The following CLCN5 variants were observed in gnomAD, a reference collection of about 807,000 sequenced individuals.
CLCN5 encodes Cl-/H+ antiporter 5.
A neutral mutation model predicts 54.0 loss-of-function variants in CLCN5; 17 were observed. The observed-to-expected ratio is 0.31, with a 90% CI of 0.22 to 0.47. The LOEUF (loss-of-function observed/expected upper bound fraction) is 0.47. Ranked by LOEUF, CLCN5 falls within the 20% of genes least tolerant of loss-of-function variation. The pLI is 1.00. For synonymous variants in CLCN5, 222 were observed against 233.0 expected (o/e 0.95, Z 0.43); for missense variants, 448 against 646.7 (o/e 0.69, Z 3.33).
chrX:50,018,043 G>T (rs782309694), intron 3 of CLCN5, among the ~76,000 whole-genome samples: 1 of 111,697 alleles, frequency 9.0e-6, no homozygotes, highest in Non-Finnish European at 1.9e-5. Context: ...GAACTGCACT[G>T]AACCTGTAGA....
intron 3 of CLCN5, among the ~76,000 whole-genome samples, chrX:50,030,248 T>C (rs1440732224): frequency 3.6e-5 from 4 of 112,219 alleles, no homozygotes; most frequent in Admixed American, 1.9e-4. Context: ...TACATCTCTG[T>C]TGATTTATAT....
At chrX:50,008,381 G>A (rs376152628) in intron 3 of CLCN5, 5 of 308,408 alleles carry the variant, frequency 1.6e-5, no homozygotes, top group Admixed American at 5.3e-5. Context: ...AGTACCTTGT[G>A]TGAAGAAGAA....
chrX:50,083,342 AAT>A (rs1432393248), intron 9 of CLCN5, among the ~76,000 whole-genome samples: 1 of 111,845 alleles, frequency 8.9e-6, no homozygotes, highest in African/African-American at 3.3e-5. Flanking sequence ...AAGATGGGGA[AAT>A]ATGAGTAGAT....
At chrX:49,979,557 A>G (rs956326057) in intron 3 of CLCN5, among the ~76,000 whole-genome samples, 7 of 111,598 alleles carry the variant, frequency 6.3e-5, no homozygotes, top group African/African-American at 1.6e-4. Flanking sequence ...CTGACAGCCA[A>G]CTCAATTTGT....
chrX:49,979,805 A>G (rs1223645260), intron 3 of CLCN5, among the ~76,000 whole-genome samples: 5 of 111,052 alleles, frequency 4.5e-5, no homozygotes, highest in East Asian at 5.6e-4. Flanking sequence ...GCTAACTAAC[A>G]TATGTATCAC....
intron 1 of CLCN5, among the ~76,000 whole-genome samples, chrX:49,923,120 G>A (rs1557167452): frequency 3.5e-5 from 4 of 113,287 alleles, no homozygotes; most frequent in Non-Finnish European, 5.6e-5. Flanking sequence ...GTGTTTAGCC[G>A]CCTGCGTCCC....
At chrX:50,082,530 C>T (rs1933741372) in intron 9 of CLCN5, among the ~76,000 whole-genome samples, 3 of 110,281 alleles carry the variant, frequency 2.7e-5, no homozygotes, top group African/African-American at 9.9e-5. Flanking sequence ...CCAGGCTAGT[C>T]TCGAACTCCT....
At chrX:49,992,762 C>G (rs1205094886) in intron 3 of CLCN5, among the ~76,000 whole-genome samples, 2 of 111,646 alleles carry the variant, frequency 1.8e-5, no homozygotes, top group East Asian at 5.6e-4. Context: ...AAGTAATTTA[C>G]TTACCCATAT....
At chrX:49,997,017 T>C (rs179824) in intron 3 of CLCN5, among the ~76,000 whole-genome samples, 49,809 of 110,689 alleles carry the variant, frequency 0.45, 9,082 homozygotes, top group East Asian at 0.94. Context: ...CAACTCATCT[T>C]ATCTATAGCA....
At chrX:50,065,940 C>T (rs1162478612) in intron 4 of CLCN5, among the ~76,000 whole-genome samples, 93 of 92,859 alleles carry the variant, frequency 1.0e-3, no homozygotes, top group Non-Finnish European at 1.5e-3. Flanking sequence ...CATATTCTCA[C>T]TCATAGGTGG....
intron 4 of CLCN5, among the ~76,000 whole-genome samples, chrX:50,044,425 A>G (rs147244299): frequency 0.016 from 1,840 of 111,842 alleles, 31 homozygotes; most frequent in African/African-American, 0.057. Context: ...ATATATGGAG[A>G]TATAAAAAGG....
chrX:50,011,899 G>T (rs1930523815), intron 3 of CLCN5, among the ~76,000 whole-genome samples: 1 of 111,617 alleles, frequency 9.0e-6, no homozygotes, highest in Admixed American at 9.5e-5. Flanking sequence ...GGATGCAAGT[G>T]CTGTGTCAAT....
intron 4 of CLCN5, among the ~76,000 whole-genome samples, chrX:50,057,616 A>T (rs1932779976): frequency 2.1e-4 from 9 of 42,011 alleles, no homozygotes; most frequent in Non-Finnish European, 3.7e-4. Flanking sequence ...ACTCTCCTGG[A>T]TAGATACTAT....
intron 3 of CLCN5, among the ~76,000 whole-genome samples, chrX:50,041,102 G>A (rs1038728790): frequency 1.8e-5 from 2 of 112,145 alleles, no homozygotes; most frequent in African/African-American, 6.5e-5. Flanking sequence ...GTAAATGTTG[G>A]TTCTTTCTCC....
At chrX:49,983,912 G>A (rs1557177996) in intron 3 of CLCN5, among the ~76,000 whole-genome samples, 2 of 109,672 alleles carry the variant, frequency 1.8e-5, no homozygotes, top group Non-Finnish European at 3.8e-5. Flanking sequence ...CTTATATATT[G>A]TGCAAATGGT....
intron 3 of CLCN5, among the ~76,000 whole-genome samples, chrX:50,017,553 C>A (rs1259376626): frequency 9.0e-6 from 1 of 111,401 alleles, no homozygotes; most frequent in Non-Finnish European, 1.9e-5. Flanking sequence ...AGGTCACCAC[C>A]AAACCTAAGA....
chrX:50,059,119 G>A (rs1008692442), intron 4 of CLCN5, among the ~76,000 whole-genome samples: 1 of 111,935 alleles, frequency 8.9e-6, no homozygotes, highest in East Asian at 2.8e-4. Flanking sequence ...GCTAGATGTG[G>A]AATATGACCA....
intron 4 of CLCN5, 179 bp from the exon 5 acceptor site, chrX:50,069,700 G>A: frequency 9.7e-7 from 1 of 1,029,672 alleles, no homozygotes; most frequent in Non-Finnish European, 1.2e-6. Context: ...ATCATTTTGT[G>A]CCTACACCAC....
intron 4 of CLCN5, among the ~76,000 whole-genome samples, chrX:50,049,006 C>A (rs781904174): frequency 9.0e-6 from 1 of 111,002 alleles, no homozygotes; most frequent in South Asian, 3.9e-4. Context: ...TAATTCTAAT[C>A]TATTACCACA....
Sources: allele counts gnomAD v4.1 joint callset (sites outside exome capture counted in the v4.1 genomes callset), GRCh38; gene constraint gnomAD v4.1.1; transcripts MANE v1.5; gene names NCBI Gene and HGNC (gene_info 2026-07-23, HGNC 2026-07-21).